DSG1: variants seen among roughly 807,000 people sequenced by gnomAD.
The protein encoded by DSG1 is desmoglein-1.
A neutral mutation model predicts 97.5 loss-of-function variants in DSG1; 39 were observed. The ratio of observed to expected loss-of-function variants is 0.40; its 90% CI spans 0.31 to 0.52. The LOEUF (loss-of-function observed/expected upper bound fraction) is 0.52, where lower values mean the gene tolerates loss of function less well. DSG1 is among the 20% of genes least tolerant of loss of function. The pLI is 0.53. For synonymous variants in DSG1, 475 were observed against 443.4 expected (o/e 1.07, Z -0.90); for missense variants, 1,311 against 1,295.4 (o/e 1.01, Z -0.18).
rs1331207601 is a variant in DSG1 at position 31,356,974 on chromosome 18, T to A, written c.*1628T>A. The A allele has an allele frequency of 6.6e-6, 1 of 152,070 alleles. No individual in the cohort carries two copies. The highest frequency in any genetic ancestry group is 1.5e-5 in the Non-Finnish European group (1 of 67,980). 9.4% of individuals were successfully genotyped at this position (152,070 alleles called of 1,614,324 possible). On this transcript the variant is annotated 3_prime_UTR_variant, in exon 15 of 15. Transcript: ENST00000257192. ...TCTTAAATACAATGTTACTATAAGC[T>A]CACTAAAATGAAACTCTATATGACA...
At chr18:31,354,131 C>T (rs2071929362) in intron 14 of DSG1, 166 bp from the exon 15 acceptor site, 1 of 629,984 alleles carries the variant, frequency 1.6e-6, no homozygotes, top group Admixed American at 2.9e-5. Flanking sequence ...CAAATTATTT[C>T]AAATAATTAT....
chr18:31,327,132 A>C lies in DSG1; in HGVS notation c.216+127A>C. On this transcript the variant is annotated intron_variant, in intron 3 of 14. Transcript: ENST00000257192. ...TACGATACAGAACAGAACTATAGTC[A>C]CCTAGATGATGAAAACTGAAACTCA... 8 of 1,260,374 alleles carry C rather than the reference A, an allele frequency of 6.3e-6. No homozygotes were observed. In the South Asian group the frequency reaches 1.0e-4, roughly 16 times the overall value. 78.1% of individuals were successfully genotyped at this position (1,260,374 alleles called of 1,614,324 possible).
intron 1 of DSG1, among the ~76,000 whole-genome samples, chr18:31,320,381 T>C (rs2071646079): frequency 1.3e-5 from 2 of 152,188 alleles, no homozygotes; most frequent in Admixed American, 1.3e-4. Flanking sequence ...TGTACAATTG[T>C]TAAGGCCTTT....
chr18:31,325,730 C>T lies in DSG1; in HGVS notation c.49-851C>T, dbSNP rs539871755. Among the ~76,000 whole-genome samples, 24 of 152,114 alleles carry T rather than the reference C, an allele frequency of 1.6e-4. No homozygotes were observed. In the South Asian group the frequency reaches 5.0e-3, roughly 31 times the overall value. ...AAGTTGCAATATAAATTCTTTGTAG[C>T]ATGCTTTTCTTAGTAGTAATTTACT... On this transcript the variant is annotated intron_variant, in intron 1 of 14. Coordinates refer to ENST00000257192, the MANE Select transcript of DSG1 (RefSeq NM_001942.4).
Position 31,336,550 on chromosome 18 carries a change from A to G in DSG1, c.1202A>G (p.Asn401Ser). The G allele has an allele frequency of 1.2e-6, 2 of 1,614,058 alleles. No individual in the cohort carries two copies. The highest frequency in any genetic ancestry group is 2.2e-5 in the South Asian group (2 of 91,088). ...GTTGTAACTGGTAATATGGGATCAA[A>G]TGATAAAGTGGGAGACTTTGTAGCT... ...TYVVTGNMGS[N>S]DKVGDFVATD... Residue 401 changes from asparagine (N) to serine (S), a missense_variant, in exon 9 of 15, where the codon AAT (asparagine) becomes AGT (serine). Physicochemically the swap from Asn to Ser is conservative, Grantham distance 46. This residue lies in a region of DSG1 where 1,038 missense variants were observed against 964.6 expected (regional missense o/e 1.08). Coordinates refer to ENST00000257192, the MANE Select transcript of DSG1 (RefSeq NM_001942.4).
Position 31,343,980 on chromosome 18 carries a change from T to C in DSG1, c.1876T>C (p.Cys626Arg), listed in dbSNP as rs754000943. ...IPPDNANIIE[C>R]IDNSGVYTNE... ...ACCTGATAACGCAAATATAATTGAATGCATTGACAACTCAGGTAAGAAAAA... is the reference window on the plus strand; with the variant it reads ...ACCTGATAACGCAAATATAATTGAACGCATTGACAACTCAGGTAAGAAAAA... The change falls in exon 13 of 15, where the codon TGC becomes CGC. Residue 626 changes from cysteine (C) to arginine (R), a missense_variant. By Grantham distance (180) the Cys-to-Arg change is radical. Around this residue, in one of 3 missense-constraint regions of DSG1, gnomAD observed 1,038 missense variants for 964.6 expected, o/e 1.08. Coordinates refer to ENST00000257192, the MANE Select transcript of DSG1 (RefSeq NM_001942.4). 6.2e-7 allele frequency: 1 copy of C among 1,612,576 alleles called. No individual in the cohort carries two copies. Among genetic ancestry groups the C allele is most frequent in the Non-Finnish European group, 8.5e-7 (1 of 1,178,778 alleles).
intron 11 of DSG1, among the ~76,000 whole-genome samples, chr18:31,341,439 C>G (rs1432582460): frequency 6.6e-6 from 1 of 152,200 alleles, no homozygotes; most frequent in Admixed American, 6.5e-5. Context: ...TTTTAAATAA[C>G]TCATGTTTTT....
At chr18:31,328,055 A>G (rs1598699351) in intron 3 of DSG1, 134 bp from the exon 4 acceptor site, 1 of 860,642 alleles carries the variant, frequency 1.2e-6, no homozygotes, top group East Asian at 2.6e-5. Flanking sequence ...CTTATCTAGG[A>G]AAATAATCTC....
In DSG1 at chr18:31,343,515, C is replaced by T; in HGVS notation, c.1753C>T (p.Pro585Ser). ...TCCTCGTAGTGCAGCTGGCTTTGAG[C>T]CTGTTCCCGAATGTTCAGATGGAGC... ...GAPRSAAGFE[P>S]VPECSDGAIH... Residue 585 changes from proline to serine, a missense_variant, in exon 12 of 15, where the codon CCT (proline) becomes TCT (serine). This residue lies in a region of DSG1 where 1,038 missense variants were observed against 964.6 expected (regional missense o/e 1.08). Transcript: ENST00000257192. 1 of 1,614,136 alleles carries T rather than the reference C, an allele frequency of 6.2e-7. No homozygotes were observed. The highest frequency in any genetic ancestry group is 8.5e-7 in the Non-Finnish European group (1 of 1,180,032).
Position 31,355,667 on chromosome 18 carries a change from G to A in DSG1, c.*321G>A, listed in dbSNP as rs1469295916. ...CAATTGGCATCATTCTCCTTGCTCT[G>A]TTTTGCTTTTCCATATAGCTCGAGC... On this transcript the variant is annotated 3_prime_UTR_variant, in exon 15 of 15. Coordinates refer to ENST00000257192, the MANE Select transcript of DSG1 (RefSeq NM_001942.4). The A allele has an allele frequency of 5.9e-6, 2 of 341,382 alleles. No individual in the cohort carries two copies. The highest frequency in any genetic ancestry group is 1.1e-5 in the Non-Finnish European group (2 of 181,646). The allele number at this position is 341,382 out of a possible 1,614,324, so 21.1% of individuals were successfully genotyped here. A position where few individuals can be genotyped will look rare whatever the true frequency, so the allele number is the denominator to read the frequency against.
At position 31,354,860 on chromosome 18, in the gene DSG1, T is replaced by C; in HGVS notation, c.2664T>C (p.Asp888=). The C allele has an allele frequency of 1.2e-6, 2 of 1,614,178 alleles. No homozygotes were observed. The highest frequency in any genetic ancestry group is 1.7e-6 in the Non-Finnish European group (2 of 1,180,034). Residue 888 remains aspartate (D), a synonymous_variant, in exon 15 of 15, where the codon GAT becomes GAC. Transcript: ENST00000257192. ...HGMLEMPDLR[D]GSNVIVTERV... ...TGTTAGAGATGCCTGACTTGCGAGA[T>C]GGGTCGAATGTTATAGTGACAGAAA...
At chr18:31,351,272 A>T (rs1277927134) in intron 14 of DSG1, among the ~76,000 whole-genome samples, 1 of 150,014 alleles carries the variant, frequency 6.7e-6, no homozygotes, top group Non-Finnish European at 1.5e-5. Context: ...CATGTAGTTG[A>T]GCGGTTTTAA....
intron 1 of DSG1, among the ~76,000 whole-genome samples, chr18:31,323,899 C>G (rs1021514138): frequency 6.6e-6 from 1 of 151,900 alleles, no homozygotes; most frequent in Admixed American, 6.6e-5. Flanking sequence ...TTCCTCTGAC[C>G]TCCATTATAA....
In DSG1 at chr18:31,355,197, A is replaced by C; in HGVS notation, c.3001A>C (p.Ile1001Leu). 6.2e-7 allele frequency: 1 copy of C among 1,602,944 alleles called. No homozygotes were observed. The highest frequency in any genetic ancestry group is 8.5e-7 in the Non-Finnish European group (1 of 1,173,320). The change falls in exon 15 of 15, where the codon ATT becomes CTT. Residue 1001 changes from isoleucine (I) to leucine (L), a missense_variant. This residue lies in a region of DSG1 where 1,038 missense variants were observed against 964.6 expected (regional missense o/e 1.08). Coordinates refer to ENST00000257192, the MANE Select transcript of DSG1 (RefSeq NM_001942.4). The part of the protein sequence containing the change: ...LSGAGISGGG[I>L]GLSSLGGTAS... ...TGGAGCTGGCATAAGTGGTGGTGGC[A>C]TTGGCCTGAGCAGCTTGGGAGGGAC...
chr18:31,329,961 T>C lies in DSG1; in HGVS notation c.442T>C (p.Leu148=). The change falls in exon 5 of 15, where the codon TTG becomes CTG. Residue 148 remains leucine (L), a synonymous_variant. Transcript: ENST00000257192. ...ERPLELRVRV[L]DINDNPPVFS... is the part of the protein sequence containing the mutation. ...GCCTCTAGAGCTCAGAGTCAGGGTT[T>C]TGGATATAAATGACAACCCTCCAGT... 4 of 1,613,346 alleles carry C rather than the reference T, an allele frequency of 2.5e-6. No homozygotes were observed. The highest frequency in any genetic ancestry group is 1.7e-5 in the Admixed American group (1 of 59,982).
At chr18:31,340,549 G>T (rs1423597346) in intron 11 of DSG1, among the ~76,000 whole-genome samples, 2 of 144,294 alleles carry the variant, frequency 1.4e-5, no homozygotes. Context: ...CGGGGGTTCA[G>T]TCTCAAAAAA....
At chr18:31,338,946 G>A (rs947781952) in intron 10 of DSG1, among the ~76,000 whole-genome samples, 4 of 152,188 alleles carry the variant, frequency 2.6e-5, no homozygotes, top group Admixed American at 2.6e-4. Context: ...CTAACTAAAT[G>A]TCAGCCATTG....
intron 13 of DSG1, chr18:31,345,349 T>G (rs1223806537): frequency 6.6e-6 from 1 of 152,194 alleles, no homozygotes; most frequent in Non-Finnish European, 1.5e-5. Flanking sequence ...ATATTTCTTT[T>G]TTTTTTAATT....
chr18:31,327,458 A>C (rs192754484), intron 3 of DSG1, among the ~76,000 whole-genome samples: 1 of 152,076 alleles, frequency 6.6e-6, no homozygotes, highest in East Asian at 1.9e-4. Context: ...TTCTACATAC[A>C]CACACACTCA....
Sources: gnomAD v4.1 joint callset for allele counts (sites outside exome capture counted in the v4.1 genomes callset) on GRCh38, gnomAD v4.1.1 for gene constraint, gnomAD v4.1.1 regional missense constraint, MANE v1.5 for transcripts, NCBI Gene and HGNC (gene_info 2026-07-23, HGNC 2026-07-21) for gene names.